Variants in CCNY observed in about 807,000 individuals in gnomAD.
The protein encoded by CCNY is cyclin-Y.
CCNY carries 19 observed loss-of-function variants against 42.8 expected under a neutral mutation model. That is an observed-to-expected ratio of 0.44 (90% CI 0.31 to 0.65). The LOEUF (loss-of-function observed/expected upper bound fraction) is 0.65, where lower values mean the gene tolerates loss of function less well. Ranked by LOEUF, CCNY falls within the 30% of genes least tolerant of loss-of-function variation. The pLI is 0.07. For missense variants in CCNY, 370 were observed against 437.3 expected (o/e 0.85, Z 1.37); for synonymous variants, 165 against 162.7 (o/e 1.01, Z -0.11).
chr10:35,512,660 C>T (rs1840347027), intron 3 of CCNY, among the ~76,000 whole-genome samples: 1 of 152,058 alleles, frequency 6.6e-6, no homozygotes, highest in South Asian at 2.1e-4. Context: ...TAGTTCTGGC[C>T]TGAAGAGAGT....
At chr10:35,524,178 G>A (rs142990705) in intron 4 of CCNY, among the ~76,000 whole-genome samples, 238 of 152,280 alleles carry the variant, frequency 1.6e-3, no homozygotes, top group African/African-American at 5.2e-3. Context: ...TTATAAAATA[G>A]AATCAATAAC....
At chr10:35,566,264 A>G (rs1841570523) in intron 9 of CCNY, 79 bp downstream of exon 9, 5 of 1,379,190 alleles carry the variant, frequency 3.6e-6, no homozygotes, top group African/African-American at 1.4e-5. Context: ...ATGTGGTCAC[A>G]TTGATCATTT....
At chr10:35,320,056 C>T (rs1835803338) in intron 3 of CCNY, among the ~76,000 whole-genome samples, 1 of 152,174 alleles carries the variant, frequency 6.6e-6, no homozygotes, top group Non-Finnish European at 1.5e-5. Context: ...GCAGTAAATT[C>T]TATCAAATAT....
intron 1 of CCNY, among the ~76,000 whole-genome samples, chr10:35,446,412 A>G (rs112317671): frequency 6.6e-6 from 1 of 152,182 alleles, no homozygotes; most frequent in African/African-American, 2.4e-5. Context: ...TTTCCCCACT[A>G]AATATAGATT....
rs141087757 is a variant in CCNY, at chr10:35,458,410, T to G, written c.155-24994T>G. 2.4e-4 allele frequency among the ~76,000 whole-genome samples: 37 copies of G among 152,366 alleles called. No homozygotes were observed. The East Asian group carries it at 4.6e-3, about 19-fold the overall frequency. On this transcript the variant is annotated intron_variant, in intron 1 of 9. Coordinates refer to ENST00000374704, the MANE Select transcript of CCNY (RefSeq NM_145012.6). ...TAAAGATTCTGAACTGAGGATATTGTTTATAGAAGAGGAATTTTAATAAGA... is the reference window on the plus strand; with the variant it reads ...TAAAGATTCTGAACTGAGGATATTGGTTATAGAAGAGGAATTTTAATAAGA...
intron 8 of CCNY, among the ~76,000 whole-genome samples, chr10:35,557,155 C>T (rs2135455606): frequency 6.6e-6 from 1 of 152,116 alleles, no homozygotes; most frequent in Middle Eastern, 3.4e-3. Context: ...ATGTTATTTG[C>T]AATATATTTT....
intron 7 of CCNY, among the ~76,000 whole-genome samples, chr10:35,548,504 G>A (rs2135444793): frequency 6.6e-6 from 1 of 151,984 alleles, no homozygotes; most frequent in South Asian, 2.1e-4. Flanking sequence ...CACCATGTTG[G>A]CCAGGATGGT....
intron 1 of CCNY, among the ~76,000 whole-genome samples, chr10:35,392,738 A>C (rs1837440085): frequency 6.6e-6 from 1 of 152,144 alleles, no homozygotes; most frequent in African/African-American, 2.4e-5. Flanking sequence ...TTGGGAGTGG[A>C]GAAGTGACAT....
At chr10:35,426,235 TCACACACA>T (rs148127192) in intron 1 of CCNY, among the ~76,000 whole-genome samples, 2 of 140,930 alleles carry the variant, frequency 1.4e-5, no homozygotes, top group African/African-American at 2.6e-5. Context: ...ACATGCCCAT[TCACACACA>T]CACACACACA....
chr10:35,264,623 G>A (rs552250245), intron 3 of CCNY, among the ~76,000 whole-genome samples: 4 of 152,016 alleles, frequency 2.6e-5, no homozygotes, highest in African/African-American at 4.8e-5. Flanking sequence ...TTTGAGCAGT[G>A]TCTGTTCAGG....
intron 1 of CCNY, among the ~76,000 whole-genome samples, chr10:35,440,482 CTTA>C (rs1324900290): frequency 2.6e-5 from 4 of 152,232 alleles, no homozygotes; most frequent in African/African-American, 4.8e-5. Flanking sequence ...TTCAGCTTTG[CTTA>C]TGAAAACAGC....
intron 1 of CCNY, among the ~76,000 whole-genome samples, chr10:35,449,090 C>G (rs1355712351): frequency 6.6e-6 from 1 of 151,852 alleles, no homozygotes; most frequent in Non-Finnish European, 1.5e-5. Flanking sequence ...ACATGTTAGT[C>G]AACAGGGGAG....
chr10:35,348,331 C>T (rs1466790391), intron 1 of CCNY, among the ~76,000 whole-genome samples: 1 of 152,202 alleles, frequency 6.6e-6, no homozygotes, highest in Non-Finnish European at 1.5e-5. Context: ...AGCCTAGCAA[C>T]CTTGCTGTTC....
chr10:35,516,664 T>A, intron 4 of CCNY, 41 bp downstream of exon 4: 5 of 346,898 alleles, frequency 1.4e-5, no homozygotes, highest in Non-Finnish European at 2.2e-5. Flanking sequence ...TTCCTTCCTT[T>A]TTTTTTTTTT....
intron 1 of CCNY, among the ~76,000 whole-genome samples, chr10:35,460,508 A>G (rs528564263): frequency 6.6e-6 from 1 of 152,224 alleles, no homozygotes; most frequent in Admixed American, 6.5e-5. Context: ...TGGAAATTGG[A>G]ATTTATGTAG....
At chr10:35,376,319 C>T (rs1306380237) in intron 1 of CCNY, among the ~76,000 whole-genome samples, 1 of 152,070 alleles carries the variant, frequency 6.6e-6, no homozygotes, top group Non-Finnish European at 1.5e-5. Flanking sequence ...TAGGTGTATG[C>T]CGAAGATAAC....
chr10:35,259,564 A>G (rs2095718036), intron 3 of CCNY, among the ~76,000 whole-genome samples: 2 of 127,072 alleles, frequency 1.6e-5, no homozygotes, highest in South Asian at 5.2e-4. Context: ...GTGCAGTGGC[A>G]TGATCTTGGC....
rs3013375 is a variant in CCNY, at chr10:35,397,970, C to G, written c.154+60763C>G. Among the ~76,000 whole-genome samples the G allele has an allele frequency of 7.0e-3, 1,067 of 152,138 alleles. 11 individuals are homozygous for G. Among genetic ancestry groups the G allele is most frequent in the African/African-American group, 0.025 (1,019 of 41,480 alleles). ...CTGGTGATGTGCTTGCTTCCAGGGCCGAGGGAAGGGGAGGCACAGTGAGAC... is the reference window on the plus strand; with the variant it reads ...CTGGTGATGTGCTTGCTTCCAGGGCGGAGGGAAGGGGAGGCACAGTGAGAC... On this transcript the variant is annotated intron_variant, in intron 1 of 9. Coordinates refer to ENST00000374704, the MANE Select transcript of CCNY (RefSeq NM_145012.6).
At chr10:35,382,610 G>T (rs1285951426) in intron 1 of CCNY, among the ~76,000 whole-genome samples, 14 of 152,206 alleles carry the variant, frequency 9.2e-5, no homozygotes, top group Non-Finnish European at 2.9e-5. Context: ...CCTGCTAACT[G>T]TCCTGTGGTA....
Sources: gnomAD v4.1 joint callset for allele counts (sites outside exome capture counted in the v4.1 genomes callset) on GRCh38, gnomAD v4.1.1 for gene constraint, MANE v1.5 for transcripts, NCBI Gene and HGNC (gene_info 2026-07-23, HGNC 2026-07-21) for gene names.